COL8A1: variants seen among roughly 807,000 people sequenced by gnomAD.
COL8A1 encodes collagen type VIII alpha 1 chain.
Under a neutral mutation model 42.7 loss-of-function variants are expected in COL8A1, and 21 were observed. That is an observed-to-expected ratio of 0.49 (90% CI 0.35 to 0.71). The LOEUF (loss-of-function observed/expected upper bound fraction) is 0.71, where lower values mean the gene tolerates loss of function less well. Among genes scored for constraint, COL8A1 ranks in the 30% least tolerant of loss-of-function variants. The pLI is 0.01. For synonymous variants in COL8A1, 367 were observed against 369.1 expected, an observed-to-expected ratio of 0.99 and a Z score of 0.06; for missense variants, 788 against 962.4, an observed-to-expected ratio of 0.82 and a Z score of 2.40.
intron 1 of COL8A1, among the ~76,000 whole-genome samples, chr3:99,704,822 C>T (rs375604707): frequency 2.0e-5 from 3 of 152,212 alleles, no homozygotes; most frequent in African/African-American, 7.2e-5. Flanking sequence ...TTCTTTCACC[C>T]ACTTGGAGAG....
intron 1 of COL8A1, among the ~76,000 whole-genome samples, chr3:99,703,789 T>G (rs1939607943): frequency 6.6e-6 from 1 of 152,248 alleles, no homozygotes; most frequent in Non-Finnish European, 1.5e-5. Flanking sequence ...TTGCTTTCAG[T>G]GATCTCTCTG....
At chr3:99,739,007 C>T (rs982540403) in intron 1 of COL8A1, among the ~76,000 whole-genome samples, 4 of 152,168 alleles carry the variant, frequency 2.6e-5, no homozygotes, top group Non-Finnish European at 5.9e-5. Context: ...TCCGTCACCC[C>T]TTTCTTTGAC....
At chr3:99,767,180 T>C (rs1434893465) in intron 2 of COL8A1, among the ~76,000 whole-genome samples, 1 of 152,144 alleles carries the variant, frequency 6.6e-6, no homozygotes, top group African/African-American at 2.4e-5. Flanking sequence ...GCTCAGAAGG[T>C]GACACTTTTT....
intron 1 of COL8A1, among the ~76,000 whole-genome samples, chr3:99,646,877 C>A (rs1342110118): frequency 1.3e-5 from 2 of 152,168 alleles, no homozygotes; most frequent in South Asian, 2.1e-4. Context: ...TTCTCACATA[C>A]AATACAGGGT....
rs1942100108 is a variant in COL8A1, at chr3:99,795,956, G to T, written c.2055G>T (p.Val685=). Residue 685 remains valine, a synonymous_variant, in exon 4 of 4, where the codon GTG becomes GTT. Transcript: ENST00000652472. ...CTCTATTCAAGAACAACGAGCCCGT[G>T]ATGTACACGTACGACGAGTACAAAA... is the stretch of plus-strand genomic sequence containing the variant. ...WVALFKNNEP[V]MYTYDEYKKG... The T allele has an allele frequency of 2.5e-6, 4 of 1,614,148 alleles. No homozygotes were observed. Among genetic ancestry groups the T allele is most frequent in the Non-Finnish European group, 3.4e-6 (4 of 1,180,000 alleles).
chr3:99,708,499 AACCTTCC>A (rs1465399845), intron 1 of COL8A1, among the ~76,000 whole-genome samples: 6 of 152,148 alleles, frequency 3.9e-5, no homozygotes, highest in Non-Finnish European at 7.4e-5. Flanking sequence ...CTGATGATAA[AACCTTCC>A]ACCCGAGGCT....
chr3:99,682,194 G>T (rs931775127), intron 1 of COL8A1, among the ~76,000 whole-genome samples: 3 of 152,134 alleles, frequency 2.0e-5, no homozygotes, highest in Non-Finnish European at 4.4e-5. Context: ...GCGGGAGGAT[G>T]ACTTGAGGGC....
intron 1 of COL8A1, among the ~76,000 whole-genome samples, chr3:99,647,011 G>A (rs1937665006): frequency 1.3e-5 from 2 of 152,052 alleles, no homozygotes; most frequent in Non-Finnish European, 2.9e-5. Context: ...CTGCTACCTG[G>A]GATTCATCAG....
At chr3:99,773,843 T>TATATATATATATATATATATA (rs1559632732) in intron 2 of COL8A1, among the ~76,000 whole-genome samples, 1 of 96,382 alleles carries the variant, frequency 1.0e-5, no homozygotes, top group African/African-American at 4.3e-5. Flanking sequence ...ATATATTTTT[T>TATATATATATATATATATATA]TTTTTTTTTT....
chr3:99,788,204 CGTTAAAACTGAACAAA>C (rs1286949139), intron 2 of COL8A1, among the ~76,000 whole-genome samples: 1 of 152,054 alleles, frequency 6.6e-6, no homozygotes, highest in Non-Finnish European at 1.5e-5. Context: ...TAAATATTCA[CGTTAAAACTGAACAAA>C]GTTTATTTAG....
chr3:99,698,894 C>T (rs1939454513), intron 1 of COL8A1, among the ~76,000 whole-genome samples: 2 of 152,142 alleles, frequency 1.3e-5, no homozygotes, highest in African/African-American at 4.8e-5. Flanking sequence ...ATAACGTGAG[C>T]TCTAAGCATT....
rs1942133803 is a variant in COL8A1, at chr3:99,798,034, C to T, written c.*1898C>T. ...TGTATATTTTTGTCAAAAATAAAAC[C>T]ATGAGTTAAGGGGATAGATATAGAT... On this transcript the variant is annotated 3_prime_UTR_variant, in exon 4 of 4. Coordinates refer to ENST00000652472, the MANE Select transcript of COL8A1 (RefSeq NM_020351.4). The T allele has an allele frequency of 6.6e-6, 1 of 152,028 alleles. No individual in the cohort carries two copies. Among genetic ancestry groups the T allele is most frequent in the African/African-American group, 2.4e-5 (1 of 41,378 alleles). 9.4% of individuals were successfully genotyped at this position (152,028 alleles called of 1,614,324 possible).
intron 1 of COL8A1, among the ~76,000 whole-genome samples, chr3:99,712,464 C>G (rs1344123339): frequency 6.6e-6 from 1 of 152,158 alleles, no homozygotes; most frequent in African/African-American, 2.4e-5. Context: ...CACCTCCCAG[C>G]CTGTCGGACA....
chr3:99,667,647 A>T (rs1938408815), intron 1 of COL8A1, among the ~76,000 whole-genome samples: 1 of 152,164 alleles, frequency 6.6e-6, no homozygotes, highest in South Asian at 2.1e-4. Flanking sequence ...GGATGCGCTT[A>T]AGGGAAGATA....
chr3:99,772,874 C>T (rs1363583881), intron 2 of COL8A1, among the ~76,000 whole-genome samples: 1 of 152,102 alleles, frequency 6.6e-6, no homozygotes, highest in Non-Finnish European at 1.5e-5. Context: ...CCATACATAA[C>T]AATGAGGCAT....
chr3:99,716,439 G>A (rs1438233685), intron 1 of COL8A1, among the ~76,000 whole-genome samples: 1 of 151,998 alleles, frequency 6.6e-6, no homozygotes, highest in African/African-American at 2.4e-5. Flanking sequence ...CAAATTCATT[G>A]ACTACCTGAA....
chr3:99,751,729 A>C (rs1941153380), intron 2 of COL8A1, among the ~76,000 whole-genome samples: 1 of 152,248 alleles, frequency 6.6e-6, no homozygotes, highest in Admixed American at 6.5e-5. Flanking sequence ...TACGCAATGA[A>C]GGAAAGACGC....
At chr3:99,732,708 C>T (rs1940554650) in intron 1 of COL8A1, among the ~76,000 whole-genome samples, 1 of 152,076 alleles carries the variant, frequency 6.6e-6, no homozygotes, top group Admixed American at 6.5e-5. Flanking sequence ...CATGTCCTCA[C>T]ATTTCAAAAC....
chr3:99,697,607 G>A (rs950564591), intron 1 of COL8A1, among the ~76,000 whole-genome samples: 1 of 152,136 alleles, frequency 6.6e-6, no homozygotes, highest in Non-Finnish European at 1.5e-5. Flanking sequence ...ACCTAGGAGT[G>A]ACTCTAGCTT....
Sources: allele counts gnomAD v4.1 joint callset (sites outside exome capture counted in the v4.1 genomes callset), GRCh38; gene constraint gnomAD v4.1.1; transcripts MANE v1.5; gene names NCBI Gene and HGNC (gene_info 2026-07-23, HGNC 2026-07-21).